Variants in KDM5C observed in about 807,000 individuals in gnomAD.
KDM5C encodes the protein lysine demethylase 5C.
KDM5C carries 16 observed loss-of-function variants against 110.6 expected under a neutral mutation model. The ratio of observed to expected loss-of-function variants is 0.14; its 90% CI spans 0.10 to 0.22. The LOEUF (loss-of-function observed/expected upper bound fraction) is 0.22, where lower values mean the gene tolerates loss of function less well. KDM5C is among the 10% of genes least tolerant of loss of function. The pLI is 1.00. For missense variants in KDM5C, 681 were observed against 1,300.9 expected (o/e 0.52, Z 7.33); for synonymous variants, 511 against 520.4 (o/e 0.98, Z 0.24).
chrX:53,220,192 G>A (rs189218368), intron 2 of KDM5C, among the ~76,000 whole-genome samples: 4 of 111,706 alleles, frequency 3.6e-5, no homozygotes, highest in East Asian at 2.8e-4. Flanking sequence ...AGGATCTTAC[G>A]TGGAACTGGC....
intron 25 of KDM5C, among the ~76,000 whole-genome samples, chrX:53,182,944 G>A (rs374981180): frequency 9.0e-6 from 1 of 111,427 alleles, no homozygotes; most frequent in Admixed American, 9.6e-5. Context: ...TAACTCCTAT[G>A]TTTTCCTCCA....
chrX:53,189,713 T>G (rs946963964), downstream of KDM5C, among the ~76,000 whole-genome samples: 2 of 112,743 alleles, frequency 1.8e-5, no homozygotes, highest in Non-Finnish European at 3.8e-5. Flanking sequence ...GAGCCCCAAC[T>G]GATGCTCCTA....
chrX:53,185,741 T>C (rs1934199642), intron 25 of KDM5C, among the ~76,000 whole-genome samples: 1 of 111,682 alleles, frequency 9.0e-6, no homozygotes, highest in East Asian at 2.8e-4. Flanking sequence ...TAAGGATAGT[T>C]TCCCTAGGAC....
chrX:53,179,385 G>A (rs192568265), intron 25 of KDM5C, among the ~76,000 whole-genome samples: 8 of 110,444 alleles, frequency 7.2e-5, no homozygotes, highest in Admixed American at 3.9e-4. Context: ...CTGGTATAAA[G>A]TATTTGCAAA....
At position 53,193,843 on chromosome X, in the gene KDM5C, G is replaced by C; in HGVS notation, c.4047C>G (p.Gly1349=). The change falls in exon 24 of 26, where the codon GGC becomes GGG. Residue 1349 remains glycine (G), a synonymous_variant. Coordinates refer to ENST00000375401, the MANE Select transcript of KDM5C (RefSeq NM_004187.5). ...GSGKDMPKVQ[G]LLENGDSVTS... Reference sequence around the variant, plus strand: ...TCACACTGTCTCCATTCTCCAGTAAGCCCTGGACCTGCGGAGGAGAGCAAG... The same window carrying C: ...TCACACTGTCTCCATTCTCCAGTAACCCCTGGACCTGCGGAGGAGAGCAAG... 8.3e-7 allele frequency: 1 copy of C among 1,209,258 alleles called. No individual in the cohort carries two copies. Among genetic ancestry groups the C allele is most frequent in the Non-Finnish European group, 1.1e-6 (1 of 893,327 alleles).
intron 3 of KDM5C, 66 bp from the exon 4 acceptor site, chrX:53,218,032 G>A: frequency 1.2e-5 from 13 of 1,119,964 alleles, no homozygotes; most frequent in Non-Finnish European, 1.3e-5. Context: ...GAGTAGGCCT[G>A]TAGAAAGGGC....
chrX:53,176,618 G>T (rs971262858), exon 26 of KDM5C, among the ~76,000 whole-genome samples: 1 of 112,086 alleles, frequency 8.9e-6, no homozygotes. Context: ...CTGATGGTTG[G>T]TTTCCTGAGA....
At chrX:53,224,089 G>C (rs1040245913) in intron 1 of KDM5C, among the ~76,000 whole-genome samples, 1 of 112,073 alleles carries the variant, frequency 8.9e-6, no homozygotes, top group Non-Finnish European at 1.9e-5. Context: ...GAGTAAATAT[G>C]AGTCAACCTA....
intron 4 of KDM5C, 147 bp from the exon 5 acceptor site, chrX:53,217,424 A>C (rs1602229270): frequency 1.5e-6 from 1 of 676,448 alleles, no homozygotes; most frequent in East Asian, 3.5e-5. Flanking sequence ...GGTCTTTAGC[A>C]CTGACACCAG....
intron 5 of KDM5C, 73 bp downstream of exon 5, chrX:53,217,070 C>T (rs2073763720): frequency 1.5e-5 from 17 of 1,104,716 alleles, no homozygotes; most frequent in South Asian, 9.7e-5. Flanking sequence ...ACAGGGAACA[C>T]AGCCTTAGCC....
intron 25 of KDM5C, among the ~76,000 whole-genome samples, chrX:53,180,789 C>T (rs935463937): frequency 2.3e-5 from 2 of 87,199 alleles, no homozygotes; most frequent in African/African-American, 4.3e-5. Context: ...TGCAGTGGCG[C>T]GATCTCGGCT....
chrX:53,193,272 G>T lies in KDM5C; in HGVS notation c.4378C>A (p.Arg1460=). The part of the protein sequence containing the change: ...ARGRALERRR[R]RKVDRGGEGD... ...TCCCCACCCCGATCCACCTTCCGCC[G>T]CCGCCGCCTCTCCAGGGCCCGGCCC... The change falls in exon 26 of 26, where the codon CGG becomes AGG. Residue 1460 remains arginine (R), a synonymous_variant. Coordinates refer to ENST00000375401, the MANE Select transcript of KDM5C (RefSeq NM_004187.5). The T allele has an allele frequency of 8.3e-7, 1 of 1,208,612 alleles. No homozygotes were observed. Among genetic ancestry groups the T allele is most frequent in the Non-Finnish European group, 1.1e-6 (1 of 895,013 alleles).
intron 7 of KDM5C, 23 bp from the exon 8 acceptor site, chrX:53,214,870 G>A: frequency 8.3e-7 from 1 of 1,206,579 alleles, no homozygotes; most frequent in Non-Finnish European, 1.1e-6. Context: ...AAGAGCAAAA[G>A]TTCTCCATTG....
intron 12 of KDM5C, among the ~76,000 whole-genome samples, chrX:53,208,001 T>G (rs868906361): frequency 3.8e-5 from 3 of 78,611 alleles, no homozygotes; most frequent in African/African-American, 9.8e-5. Flanking sequence ...GAAAAGAAAA[T>G]AATACTTACA....
intron 12 of KDM5C, among the ~76,000 whole-genome samples, chrX:53,203,904 T>C (rs145427919): frequency 0.028 from 3,121 of 110,561 alleles, 109 homozygotes; most frequent in East Asian, 0.26. Context: ...GCAGCTGGGA[T>C]TACAGGCACA....
downstream of KDM5C, among the ~76,000 whole-genome samples, chrX:53,187,143 T>C (rs1934243094): frequency 9.0e-6 from 1 of 111,213 alleles, no homozygotes; most frequent in Non-Finnish European, 1.9e-5. Flanking sequence ...CTCCACAATA[T>C]GGACTTCCAC....
intron 25 of KDM5C, among the ~76,000 whole-genome samples, chrX:53,178,203 T>G (rs1271508032): frequency 8.9e-6 from 1 of 112,289 alleles, no homozygotes; most frequent in Non-Finnish European, 1.9e-5. Context: ...TTTAAATGCC[T>G]GAAATGTGTT....
intron 12 of KDM5C, among the ~76,000 whole-genome samples, chrX:53,208,574 C>T (rs1203577689): frequency 2.1e-5 from 2 of 94,496 alleles, no homozygotes; most frequent in South Asian, 5.5e-4. Flanking sequence ...GGCACGATCT[C>T]GGCTCACTGC....
At position 53,201,920 on chromosome X, in the gene KDM5C, A is replaced by G. The variant is rs1556842153; in HGVS notation, c.1800T>C (p.Ala600=). 8.2e-7 allele frequency: 1 copy of G among 1,212,175 alleles called. No individual in the cohort carries two copies. The highest frequency in any genetic ancestry group is 3.0e-5 in the East Asian group (1 of 33,869). Residue 600 remains alanine (A), a synonymous_variant, in exon 13 of 26, where the codon GCT becomes GCC. Coordinates refer to ENST00000375401, the MANE Select transcript of KDM5C (RefSeq NM_004187.5). ...AGEFVITFPR[A]YHSGFNQGYN... is the part of the protein sequence containing the mutation. Reference sequence around the variant, plus strand: ...AGCCTTGGTTGAAGCCGCTGTGGTAAGCACGGGGGAAGGTGATGACAAACT... The same window carrying G: ...AGCCTTGGTTGAAGCCGCTGTGGTAGGCACGGGGGAAGGTGATGACAAACT...
Sources: gnomAD v4.1 joint callset for allele counts (sites outside exome capture counted in the v4.1 genomes callset) on GRCh38, gnomAD v4.1.1 for gene constraint, MANE v1.5 for transcripts, NCBI Gene and HGNC (gene_info 2026-07-23, HGNC 2026-07-21) for gene names.